Variants in CNTN5 observed in about 807,000 individuals in gnomAD.
CNTN5 encodes the protein contactin-5.
Under a neutral mutation model 129.1 loss-of-function variants are expected in CNTN5, and 77 were observed. That is an observed-to-expected ratio of 0.60 (90% CI 0.50 to 0.72). The LOEUF is 0.72. Ranked by LOEUF, CNTN5 falls within the 30% of genes least tolerant of loss-of-function variation. The probability of loss-of-function intolerance (pLI) is 0.00; values close to 1 mark genes in which losing one functional copy is unlikely to be tolerated. For synonymous variants in CNTN5, 509 were observed against 465.6 expected (o/e 1.09, Z -1.20); for missense variants, 1,478 against 1,328.8 (o/e 1.11, Z -1.75).
intron 18 of CNTN5, among the ~76,000 whole-genome samples, chr11:100,279,694 T>C (rs1241595266): frequency 1.3e-5 from 2 of 151,820 alleles, no homozygotes; most frequent in African/African-American, 2.4e-5. Context: ...ATTTGTGTAC[T>C]CTCTTTTTTT....
intron 3 of CNTN5, among the ~76,000 whole-genome samples, chr11:99,560,200 T>TA (rs1486087180): frequency 1.3e-5 from 2 of 151,686 alleles, no homozygotes; most frequent in East Asian, 1.9e-4. Context: ...TTTGCATATT[T>TA]AAAAAATATA....
intron 9 of CNTN5, among the ~76,000 whole-genome samples, 154 bp from the exon 10 acceptor site, chr11:100,061,058 C>T (rs1176630293): frequency 6.6e-6 from 1 of 152,178 alleles, no homozygotes; most frequent in East Asian, 1.9e-4. Context: ...AGACAACCCA[C>T]GTGGAAAGTG....
intron 2 of CNTN5, among the ~76,000 whole-genome samples, chr11:99,432,381 C>T (rs186125617): frequency 2.2e-4 from 34 of 152,094 alleles, no homozygotes; most frequent in East Asian, 7.7e-4. Flanking sequence ...AAAGTAACTA[C>T]GTAGAAGATT....
intron 20 of CNTN5, among the ~76,000 whole-genome samples, chr11:100,307,283 G>C (rs1182376697): frequency 6.6e-6 from 1 of 151,482 alleles, no homozygotes; most frequent in African/African-American, 2.4e-5. Context: ...CAGTGATAAA[G>C]GGTTAGTACC....
intron 1 of CNTN5, among the ~76,000 whole-genome samples, chr11:99,205,365 A>G (rs1369317546): frequency 6.6e-6 from 1 of 152,126 alleles, no homozygotes; most frequent in Non-Finnish European, 1.5e-5. Flanking sequence ...TACCTGCTCT[A>G]GAAGAGGTTT....
intron 1 of CNTN5, among the ~76,000 whole-genome samples, chr11:99,222,495 G>A (rs1684950503): frequency 6.6e-6 from 1 of 151,842 alleles, no homozygotes; most frequent in Non-Finnish European, 1.5e-5. Context: ...TTTTACATAT[G>A]ATTAAAATAG....
At chr11:99,712,101 G>C (rs544823295) in intron 3 of CNTN5, among the ~76,000 whole-genome samples, 2 of 152,208 alleles carry the variant, frequency 1.3e-5, no homozygotes, top group East Asian at 3.9e-4. Context: ...CCCACCAACA[G>C]TGTAAAGCGT....
intron 3 of CNTN5, among the ~76,000 whole-genome samples, chr11:99,763,613 G>T (rs987889016): frequency 1.3e-5 from 2 of 151,960 alleles, no homozygotes; most frequent in African/African-American, 4.8e-5. Flanking sequence ...TCAAAAACTA[G>T]AAAATAGGTA....
intron 3 of CNTN5, among the ~76,000 whole-genome samples, chr11:99,571,515 T>C (rs775754372): frequency 2.6e-5 from 4 of 152,096 alleles, no homozygotes; most frequent in Non-Finnish European, 5.9e-5. Context: ...GAAATGAGAA[T>C]TGAAATGGAA....
chr11:99,454,325 G>C (rs369007705), intron 2 of CNTN5, among the ~76,000 whole-genome samples: 1 of 152,180 alleles, frequency 6.6e-6, no homozygotes, highest in East Asian at 1.9e-4. Context: ...ATTGTAATCC[G>C]TATAATTCCC....
chr11:99,443,517 C>T (rs1943927307), intron 2 of CNTN5, among the ~76,000 whole-genome samples: 1 of 152,116 alleles, frequency 6.6e-6, no homozygotes, highest in Non-Finnish European at 1.5e-5. Context: ...AACCAGAACG[C>T]CATGAAAAAT....
chr11:99,417,885 G>A (rs1942729173), intron 2 of CNTN5, among the ~76,000 whole-genome samples: 1 of 152,158 alleles, frequency 6.6e-6, no homozygotes, highest in Non-Finnish European at 1.5e-5. Context: ...TGAGTGCAAT[G>A]AGATGTATTC....
At chr11:99,237,063 A>G (rs891810804) in intron 1 of CNTN5, among the ~76,000 whole-genome samples, 7 of 151,506 alleles carry the variant, frequency 4.6e-5, no homozygotes, top group Admixed American at 2.0e-4. Context: ...GTTTATTTGT[A>G]TGTTCTTTAT....
chr11:99,785,276 G>A (rs1339620295), intron 3 of CNTN5, among the ~76,000 whole-genome samples: 2 of 152,004 alleles, frequency 1.3e-5, no homozygotes, highest in Admixed American at 6.6e-5. Context: ...ATTTGTTTAT[G>A]TTCTTTGTAG....
At chr11:99,873,585 A>T (rs1948558196) in intron 6 of CNTN5, among the ~76,000 whole-genome samples, 1 of 152,140 alleles carries the variant, frequency 6.6e-6, no homozygotes, top group Non-Finnish European at 1.5e-5. Context: ...ATGGATGCAG[A>T]AAAAACGGAA....
intron 2 of CNTN5, among the ~76,000 whole-genome samples, chr11:99,414,649 C>G (rs1942563953): frequency 6.6e-6 from 1 of 152,026 alleles, no homozygotes. Context: ...GAAGTTCTCT[C>G]TGTTAAAATG....
Position 99,628,191 on chromosome 11 carries a change from A to T in CNTN5, c.55+71922A>T, listed in dbSNP as rs191592059. ...CTAATTTATTCTATAATTTATCATC[A>T]TTATCACTCACAATGTAACTAGGAA... On this transcript the variant is annotated intron_variant, in intron 3 of 24. Coordinates refer to ENST00000524871, the MANE Select transcript of CNTN5 (RefSeq NM_014361.4). Among the ~76,000 whole-genome samples, 15 of 151,960 alleles carry T rather than the reference A, an allele frequency of 9.9e-5. No homozygotes were observed. In the East Asian group the frequency reaches 2.9e-3, roughly 29 times the overall value.
At chr11:100,089,587 A>G (rs965274056) in intron 13 of CNTN5, among the ~76,000 whole-genome samples, 2 of 152,146 alleles carry the variant, frequency 1.3e-5, no homozygotes, top group Admixed American at 1.3e-4. Context: ...AAATTATTCT[A>G]TTATAAAGAT....
chr11:99,468,336 G>A (rs113291972), intron 2 of CNTN5, among the ~76,000 whole-genome samples: 1,850 of 152,266 alleles, frequency 0.012, 38 homozygotes, highest in African/African-American at 0.042. Context: ...GGAGTATATA[G>A]CATAGTATCA....
Sources: gnomAD v4.1 joint callset for allele counts (sites outside exome capture counted in the v4.1 genomes callset) on GRCh38, gnomAD v4.1.1 for gene constraint, MANE v1.5 for transcripts, NCBI Gene and HGNC (gene_info 2026-07-23, HGNC 2026-07-21) for gene names.